Variants in NSRP1 observed in about 807,000 individuals in gnomAD.
The protein encoded by NSRP1 is coiled-coil domain containing 55.
NSRP1 carries 24 observed loss-of-function variants against 54.7 expected under a neutral mutation model. The observed-to-expected ratio is 0.44, with a 90% CI of 0.32 to 0.62. The LOEUF (loss-of-function observed/expected upper bound fraction) is 0.62. Ranked by LOEUF, NSRP1 falls within the 20% of genes least tolerant of loss-of-function variation. The pLI is 0.06. For missense variants in NSRP1, 596 were observed against 651.2 expected (o/e 0.92, Z 0.92); for synonymous variants, 210 against 213.8 (o/e 0.98, Z 0.15).
intron 2 of NSRP1, among the ~76,000 whole-genome samples, chr17:30,142,931 ATTGTT>A (rs1422208612): frequency 6.6e-6 from 1 of 152,078 alleles, no homozygotes; most frequent in Non-Finnish European, 1.5e-5. Context: ...TTTTTGAGTT[ATTGTT>A]TTATTTGGTT....
intron 2 of NSRP1, among the ~76,000 whole-genome samples, chr17:30,157,295 A>G (rs968357867): frequency 1.3e-5 from 2 of 152,050 alleles, no homozygotes; most frequent in Non-Finnish European, 2.9e-5. Flanking sequence ...ATTTTGAGAA[A>G]TCTCTATTGC....
intron 2 of NSRP1, among the ~76,000 whole-genome samples, chr17:30,167,294 C>T (rs371195135): frequency 2.0e-5 from 3 of 152,204 alleles, no homozygotes; most frequent in East Asian, 3.9e-4. Context: ...CCACTAAAAA[C>T]GTAAAAAGAC....
chr17:30,175,636 C>T (rs1315587232), intron 3 of NSRP1, among the ~76,000 whole-genome samples: 2 of 151,948 alleles, frequency 1.3e-5, no homozygotes, highest in Non-Finnish European at 2.9e-5. Context: ...CTCTCTTCAC[C>T]TCAGGAGATC....
chr17:30,125,435 A>T (rs1421727936), intron 2 of NSRP1, among the ~76,000 whole-genome samples: 2 of 152,196 alleles, frequency 1.3e-5, no homozygotes, highest in Non-Finnish European at 2.9e-5. Flanking sequence ...TTTTTTCTCT[A>T]GTGGTCCAGC....
rs570855113 is a variant in NSRP1 at position 30,146,733 on chromosome 17, A to G, written c.115-25809A>G. On this transcript the variant is annotated intron_variant, in intron 2 of 6. Coordinates refer to ENST00000247026, the MANE Select transcript of NSRP1 (RefSeq NM_032141.4). ...TCACTGCCACCTCTGCCTCCCGAGT[A>G]GCTGGGATTTAGAGGCGTGCAGCAC... 1.6e-4 allele frequency among the ~76,000 whole-genome samples: 25 copies of G among 152,252 alleles called. 1 individual carries two copies. The South Asian group carries it at 4.8e-3, about 29-fold the overall frequency.
intron 2 of NSRP1, among the ~76,000 whole-genome samples, chr17:30,136,251 T>G (rs567173025): frequency 2.2e-3 from 338 of 152,344 alleles, no homozygotes; most frequent in Non-Finnish European, 3.9e-3. Flanking sequence ...ATAAAATGGC[T>G]CATTTATTAT....
At chr17:30,142,008 T>A (rs1020998078) in intron 2 of NSRP1, among the ~76,000 whole-genome samples, 37 of 152,036 alleles carry the variant, frequency 2.4e-4, no homozygotes, top group South Asian at 2.1e-4. Flanking sequence ...TCTCAAAAAA[T>A]TTTTTTAAAT....
intron 2 of NSRP1, among the ~76,000 whole-genome samples, chr17:30,119,990 A>G (rs578002005): frequency 5.9e-5 from 9 of 152,196 alleles, no homozygotes; most frequent in Non-Finnish European, 4.4e-5. Flanking sequence ...ATATGCCCCA[A>G]TCAAGATTTA....
At chr17:30,181,857 GCCTCGGCCT>G (rs1905311949) in intron 6 of NSRP1, among the ~76,000 whole-genome samples, 1 of 151,754 alleles carries the variant, frequency 6.6e-6, no homozygotes, top group Admixed American at 6.6e-5. Context: ...TGATCCACCC[GCCTCGGCCT>G]CCCAAAGTAC....
chr17:30,140,230 C>T (rs2071790723), intron 2 of NSRP1, among the ~76,000 whole-genome samples: 1 of 152,038 alleles, frequency 6.6e-6, no homozygotes, highest in Non-Finnish European at 1.5e-5. Context: ...GTTTTGTAAC[C>T]TTTGATAAGA....
intron 2 of NSRP1, among the ~76,000 whole-genome samples, chr17:30,119,402 G>A (rs538430252): frequency 4.5e-4 from 69 of 152,002 alleles, no homozygotes; most frequent in Non-Finnish European, 6.9e-4. Context: ...TAGGAGAGAC[G>A]GGGTTTCACC....
chr17:30,182,807 G>A (rs1379646207), intron 6 of NSRP1, among the ~76,000 whole-genome samples: 8 of 151,784 alleles, frequency 5.3e-5, no homozygotes, highest in Admixed American at 6.6e-5. Context: ...GGTGGCGGGC[G>A]CCTGTTGTCC....
intron 3 of NSRP1, among the ~76,000 whole-genome samples, chr17:30,176,611 C>G (rs1002801735): frequency 1.7e-5 from 2 of 120,602 alleles, no homozygotes; most frequent in African/African-American, 2.7e-5. Context: ...CTTCGTCCCC[C>G]CCCCCCCAAA....
chr17:30,157,531 A>C (rs1904351223), intron 2 of NSRP1, among the ~76,000 whole-genome samples: 2 of 152,206 alleles, frequency 1.3e-5, no homozygotes, highest in Non-Finnish European at 1.5e-5. Context: ...TTAGTCTGCT[A>C]TCAAACATTG....
intron 5 of NSRP1, among the ~76,000 whole-genome samples, chr17:30,180,476 G>C (rs1905257559): frequency 6.6e-6 from 1 of 152,170 alleles, no homozygotes; most frequent in Admixed American, 6.5e-5. Flanking sequence ...TTAAGTAGAA[G>C]AAAACCAAGT....
chr17:30,155,950 G>A (rs942597904), intron 2 of NSRP1, among the ~76,000 whole-genome samples: 7 of 151,484 alleles, frequency 4.6e-5, no homozygotes, highest in Admixed American at 2.0e-4. Flanking sequence ...AGCAGTTCTC[G>A]TGCCTCAGCC....
intron 2 of NSRP1, among the ~76,000 whole-genome samples, chr17:30,121,889 T>C (rs1196311867): frequency 1.3e-5 from 2 of 152,050 alleles, no homozygotes; most frequent in African/African-American, 2.4e-5. Context: ...TTTTAAGAGT[T>C]GTGCCGGCAT....
At chr17:30,132,942 G>T (rs1407669038) in intron 2 of NSRP1, among the ~76,000 whole-genome samples, 1 of 152,096 alleles carries the variant, frequency 6.6e-6, no homozygotes, top group Non-Finnish European at 1.5e-5. Flanking sequence ...TTTATGAAAT[G>T]TATTTTTGTT....
rs1291026159 is a variant in NSRP1 at position 30,138,920 on chromosome 17, T to TTTG, written c.114+20749_114+20750insGTT. On this transcript the variant is annotated intron_variant, in intron 2 of 6. Transcript: ENST00000247026. The stretch of plus-strand genomic sequence containing the variant: ...TCTCAAGTCTTAGCGTTTTTTTTTT[T>TTTG]TTTTTTTTTTTTTTTGAGATGGAGT... Among the ~76,000 whole-genome samples the TTTG allele has an allele frequency of 2.5e-4, 34 of 133,448 alleles. No individual in the cohort carries two copies. The East Asian group carries it at 6.8e-3, about 27-fold the overall frequency. 87.5% of individuals were successfully genotyped at this position (133,448 alleles called of 152,430 possible).
Sources: allele counts gnomAD v4.1 joint callset (sites outside exome capture counted in the v4.1 genomes callset), GRCh38; gene constraint gnomAD v4.1.1; transcripts MANE v1.5; gene names NCBI Gene and HGNC (gene_info 2026-07-23, HGNC 2026-07-21).